The following SCAPER variants were observed in gnomAD, a reference collection of about 807,000 sequenced individuals.
SCAPER encodes S phase cyclin A-associated protein in the endoplasmic reticulum.
SCAPER carries 98 observed loss-of-function variants against 182.2 expected under a neutral mutation model. The observed-to-expected ratio is 0.54, with a 90% CI of 0.46 to 0.64. The LOEUF (loss-of-function observed/expected upper bound fraction) is 0.64, where lower values mean the gene tolerates loss of function less well. Among genes scored for constraint, SCAPER ranks in the 30% least tolerant of loss-of-function variants. The pLI is 0.00. For missense variants in SCAPER, 1,432 were observed against 1,690.0 expected (o/e 0.85, Z 2.68); for synonymous variants, 605 against 564.6 (o/e 1.07, Z -1.01).
At chr15:76,665,022 A>C (rs1190104069) in intron 21 of SCAPER, among the ~76,000 whole-genome samples, 1 of 152,174 alleles carries the variant, frequency 6.6e-6, no homozygotes, top group African/African-American at 2.4e-5. Flanking sequence ...TTGCCCTTGA[A>C]TAGCAAAGGA....
At chr15:76,437,322 G>C (rs1027855950) in intron 25 of SCAPER, among the ~76,000 whole-genome samples, 1 of 151,924 alleles carries the variant, frequency 6.6e-6, no homozygotes, top group Non-Finnish European at 1.5e-5. Context: ...CGTTTTGCTA[G>C]TTTGGGCAAC....
chr15:76,709,020 C>T (rs1405380235), intron 17 of SCAPER, among the ~76,000 whole-genome samples: 5 of 151,806 alleles, frequency 3.3e-5, no homozygotes, highest in Admixed American at 2.6e-4. Flanking sequence ...GAGCTGAGAG[C>T]GCACCACTGC....
At chr15:76,713,249 T>C (rs2059690508) in intron 17 of SCAPER, among the ~76,000 whole-genome samples, 1 of 151,930 alleles carries the variant, frequency 6.6e-6, no homozygotes, top group Admixed American at 6.6e-5. Context: ...GAACTAGAAA[T>C]ACCATTTGAC....
intron 4 of SCAPER, chr15:76,855,954 T>G (rs12592686): frequency 9.6e-6 from 3 of 312,160 alleles, no homozygotes; most frequent in African/African-American, 6.4e-5. Flanking sequence ...CATTCTACCA[T>G]AAAGACACAT....
chr15:76,713,767 CTT>C (rs2059727583), intron 17 of SCAPER, among the ~76,000 whole-genome samples: 1 of 151,716 alleles, frequency 6.6e-6, no homozygotes, highest in South Asian at 2.1e-4. Context: ...TACCCTAAAA[CTT>C]AAAGTATAAT....
chr15:76,661,803 C>A (rs1318222942), intron 21 of SCAPER, among the ~76,000 whole-genome samples: 1 of 152,142 alleles, frequency 6.6e-6, no homozygotes, highest in East Asian at 1.9e-4. Context: ...ACCAGAAACA[C>A]CATTTGATCT....
At chr15:76,477,475 G>C (rs1177112701) in intron 24 of SCAPER, among the ~76,000 whole-genome samples, 1 of 152,086 alleles carries the variant, frequency 6.6e-6, no homozygotes, top group Admixed American at 6.5e-5. Context: ...AAATCATTCT[G>C]TACCACTCTG....
chr15:76,464,942 A>G (rs940504881), intron 25 of SCAPER, among the ~76,000 whole-genome samples: 9 of 152,064 alleles, frequency 5.9e-5, no homozygotes, highest in Non-Finnish European at 1.2e-4. Flanking sequence ...GCATGAGGTG[A>G]TATCTCATTG....
intron 29 of SCAPER, among the ~76,000 whole-genome samples, chr15:76,364,364 G>C (rs2141769504): frequency 6.6e-6 from 1 of 152,288 alleles, no homozygotes; most frequent in Admixed American, 6.5e-5. Flanking sequence ...GGATGAGAGA[G>C]AAGGAAGAAG....
rs576488205 is a variant in SCAPER at position 76,574,265 on chromosome 15, C to T, written c.2731G>A (p.Asp911Asn). Reference sequence around the variant, plus strand: ...TGAACTTGTACTTGTTTTAGAAGATCTTTGGCTAATCGCTGAAGCCTTTAA... The same window carrying T: ...TGAACTTGTACTTGTTTTAGAAGATTTTTGGCTAATCGCTGAAGCCTTTAA... ...YKAKLQRLAK[D>N]LLKQVQVQDS... Residue 911 changes from aspartate (D) to asparagine (N), a missense_variant, in exon 23 of 32, where the codon GAT becomes AAT. Asp to Asn is a conservative substitution (Grantham distance 23). This residue lies in a region of SCAPER where 718 missense variants were observed against 799.7 expected (regional missense o/e 0.90). Transcript: ENST00000563290. 8 of 1,611,548 alleles carry T rather than the reference C, an allele frequency of 5.0e-6. No individual in the cohort carries two copies. In the South Asian group the frequency reaches 7.7e-5, roughly 16 times the overall value.
intron 8 of SCAPER, among the ~76,000 whole-genome samples, chr15:76,788,745 T>C (rs1035188664): frequency 2.0e-5 from 3 of 152,246 alleles, no homozygotes; most frequent in African/African-American, 4.8e-5. Context: ...TGCTTTATTA[T>C]GAAAGTTCTC....
intron 20 of SCAPER, among the ~76,000 whole-genome samples, chr15:76,679,872 A>T (rs1405104019): frequency 6.6e-6 from 1 of 152,194 alleles, no homozygotes; most frequent in Non-Finnish European, 1.5e-5. Context: ...CAGTTCAAAA[A>T]GGTTATTAAT....
chr15:76,783,897 A>G (rs1254837964), intron 8 of SCAPER, among the ~76,000 whole-genome samples: 1 of 152,214 alleles, frequency 6.6e-6, no homozygotes, highest in Non-Finnish European at 1.5e-5. Context: ...AAATAATAAG[A>G]GCTATTTATG....
At chr15:76,378,814 G>A (rs1430597826) in intron 28 of SCAPER, among the ~76,000 whole-genome samples, 1 of 152,212 alleles carries the variant, frequency 6.6e-6, no homozygotes, top group Non-Finnish European at 1.5e-5. Context: ...AGACACCATA[G>A]TGTTTTAAAA....
intron 17 of SCAPER, among the ~76,000 whole-genome samples, chr15:76,717,079 G>A (rs112587210): frequency 0.02 from 3,053 of 150,702 alleles, 103 homozygotes; most frequent in African/African-American, 0.069. Flanking sequence ...AGTATCATTG[G>A]ACTTTTCTGC....
chr15:76,815,738 T>C (rs1051285770), intron 5 of SCAPER, among the ~76,000 whole-genome samples: 4 of 152,102 alleles, frequency 2.6e-5, no homozygotes, highest in Admixed American at 6.5e-5. Flanking sequence ...AGGATCTAGG[T>C]TGAGTGCTCC....
intron 25 of SCAPER, among the ~76,000 whole-genome samples, chr15:76,442,352 T>C (rs2047671736): frequency 6.6e-6 from 1 of 152,216 alleles, no homozygotes; most frequent in Admixed American, 6.5e-5. Context: ...TTTGTCCTAC[T>C]AAACTGTGAG....
At chr15:76,658,707 G>T (rs1340672884) in intron 21 of SCAPER, among the ~76,000 whole-genome samples, 9 of 152,088 alleles carry the variant, frequency 5.9e-5, no homozygotes, top group African/African-American at 2.2e-4. Context: ...GCATGGTACT[G>T]GTATAAAAAC....
chr15:76,456,970 T>C (rs1227693989), intron 25 of SCAPER, among the ~76,000 whole-genome samples: 1 of 152,236 alleles, frequency 6.6e-6, no homozygotes, highest in Non-Finnish European at 1.5e-5. Context: ...GGTTTGGTCT[T>C]TATATTTTAA....
Sources: gnomAD v4.1 joint callset for allele counts (sites outside exome capture counted in the v4.1 genomes callset) on GRCh38, gnomAD v4.1.1 for gene constraint, gnomAD v4.1.1 regional missense constraint, MANE v1.5 for transcripts, NCBI Gene and HGNC (gene_info 2026-07-23, HGNC 2026-07-21) for gene names.